RANBP2: variants seen among roughly 807,000 people sequenced by gnomAD.
RANBP2 encodes RAN binding protein 2, also known as E3 SUMO-protein ligase RanBP2.
A neutral mutation model predicts 303.6 loss-of-function variants in RANBP2; 57 were observed. The observed-to-expected ratio is 0.19, with a 90% CI of 0.15 to 0.23. The LOEUF is 0.23. RANBP2 is among the 10% of genes least tolerant of loss of function. The pLI is 1.00. For synonymous variants in RANBP2, 1,167 were observed against 1,301.5 expected (o/e 0.90, Z 2.23); for missense variants, 3,138 against 3,780.8 (o/e 0.83, Z 4.46).
At chr2:109,627,406 G>A in the RANBP2 span, among the ~76,000 whole-genome samples, 1 of 152,066 alleles carries the variant, frequency 6.6e-6, no homozygotes, top group Non-Finnish European at 1.5e-5. Context: ...CATGTTGGCC[G>A]GGATGGTTTC....
intron 4 of RANBP2, among the ~76,000 whole-genome samples, chr2:108,734,702 T>A (rs1250187851): frequency 6.6e-6 from 1 of 151,778 alleles, no homozygotes; most frequent in African/African-American, 2.4e-5. Flanking sequence ...ATGTAGGCCC[T>A]CAGTGAGGTA....
chr2:109,614,287 G>A, the RANBP2 span: 1 of 620,962 alleles, frequency 1.6e-6, no homozygotes, highest in East Asian at 4.2e-5. Context: ...CTGGTGGCGT[G>A]GGCGCGGGGC....
chr2:109,131,660 G>C, the RANBP2 span, among the ~76,000 whole-genome samples: 2 of 152,164 alleles, frequency 1.3e-5, no homozygotes, highest in Non-Finnish European at 2.9e-5. Context: ...GCCACTCCGG[G>C]AATTCTGTGG....
chr2:109,621,236 T>A, the RANBP2 span, among the ~76,000 whole-genome samples: 1 of 152,144 alleles, frequency 6.6e-6, no homozygotes, highest in Non-Finnish European at 1.5e-5. Flanking sequence ...CACTGCAACC[T>A]CTGCCTCTCC....
the RANBP2 span, among the ~76,000 whole-genome samples, chr2:109,760,742 G>C: frequency 3.4e-4 from 49 of 144,818 alleles, 1 homozygote; most frequent in African/African-American, 5.0e-4. Flanking sequence ...ACTTAGCCCT[G>C]CTCCAGGAAT....
chr2:109,218,699 C>G, the RANBP2 span, among the ~76,000 whole-genome samples: 1 of 152,170 alleles, frequency 6.6e-6, no homozygotes, highest in Non-Finnish European at 1.5e-5. Context: ...TTTTCTTGCC[C>G]TTTCATCATG....
chr2:108,803,652 G>A, the RANBP2 span, among the ~76,000 whole-genome samples: 9 of 152,088 alleles, frequency 5.9e-5, no homozygotes, highest in Non-Finnish European at 1.2e-4. Context: ...CCACCCTGAG[G>A]CAAAATGTTG....
the RANBP2 span, among the ~76,000 whole-genome samples, chr2:109,145,430 A>T: frequency 6.6e-6 from 1 of 152,000 alleles, no homozygotes; most frequent in African/African-American, 2.4e-5. Context: ...CTCTTTGCTT[A>T]TGGAAGACCG....
At chr2:109,018,388 G>T in the RANBP2 span, among the ~76,000 whole-genome samples, 1 of 151,484 alleles carries the variant, frequency 6.6e-6, no homozygotes, top group African/African-American at 2.4e-5. Context: ...AGGCGCCAGC[G>T]TGCACTGTGG....
the RANBP2 span, among the ~76,000 whole-genome samples, chr2:109,299,960 C>G: frequency 2.6e-5 from 4 of 152,186 alleles, no homozygotes; most frequent in Non-Finnish European, 5.9e-5. Context: ...AAGCTTTAAG[C>G]AGGGATTTGT....
chr2:109,568,373 C>CTTT, the RANBP2 span, among the ~76,000 whole-genome samples: 9 of 129,180 alleles, frequency 7.0e-5, no homozygotes, highest in African/African-American at 8.7e-5. Context: ...GCCACACAAT[C>CTTT]TTTTTTTTTT....
the RANBP2 span, chr2:109,565,791 A>G: frequency 3.1e-6 from 5 of 1,613,972 alleles, no homozygotes; most frequent in Non-Finnish European, 4.2e-6. Context: ...GGTACTGGCG[A>G]GCTTTGACCA....
At chr2:109,673,931 T>C in the RANBP2 span, among the ~76,000 whole-genome samples, 1 of 152,102 alleles carries the variant, frequency 6.6e-6, no homozygotes, top group Admixed American at 6.6e-5. Context: ...CTTCTAGTGG[T>C]TTTAATTTGC....
the RANBP2 span, among the ~76,000 whole-genome samples, chr2:109,522,265 G>GTTCTC: frequency 6.7e-6 from 1 of 149,852 alleles, no homozygotes; most frequent in African/African-American, 2.5e-5. Flanking sequence ...CACCCCAAAG[G>GTTCTC]TTCTCTTTTC....
intron 4 of RANBP2, 155 bp downstream of exon 4, chr2:108,731,629 A>G: frequency 7.1e-7 from 1 of 1,401,976 alleles, no homozygotes. Flanking sequence ...CTTTCTGAGC[A>G]TCTACTGTCT....
chr2:109,479,511 A>G, the RANBP2 span, among the ~76,000 whole-genome samples: 1 of 152,042 alleles, frequency 6.6e-6, no homozygotes, highest in Middle Eastern at 3.2e-3. Context: ...GTTCCACCGT[A>G]TCTGTTCTCC....
the RANBP2 span, among the ~76,000 whole-genome samples, chr2:108,982,187 G>C: frequency 6.6e-6 from 1 of 152,206 alleles, no homozygotes; most frequent in Non-Finnish European, 1.5e-5. Flanking sequence ...TCTAGAGCCC[G>C]TTGTCTTACA....
the RANBP2 span, among the ~76,000 whole-genome samples, chr2:109,061,294 C>A: frequency 2.0e-5 from 3 of 152,106 alleles, no homozygotes; most frequent in African/African-American, 7.2e-5. Flanking sequence ...CTTGAAGCAA[C>A]ATTTCTGGGA....
At chr2:109,477,916 C>G in the RANBP2 span, among the ~76,000 whole-genome samples, 483 of 152,340 alleles carry the variant, frequency 3.2e-3, 2 homozygotes, top group Non-Finnish European at 4.6e-3. Flanking sequence ...CAGCCCCACA[C>G]CCTTGGCATG....
Sources: gnomAD v4.1 joint callset for allele counts (sites outside exome capture counted in the v4.1 genomes callset) on GRCh38, gnomAD v4.1.1 for gene constraint, MANE v1.5 for transcripts, NCBI Gene and HGNC (gene_info 2026-07-23, HGNC 2026-07-21) for gene names.